Variants in FAM120B observed in about 807,000 individuals in gnomAD.
FAM120B encodes family with sequence similarity 120 member B.
A neutral mutation model predicts 96.3 loss-of-function variants in FAM120B; 83 were observed. That is an observed-to-expected ratio of 0.86 (90% confidence interval 0.72 to 1.03). The LOEUF is 1.03. Among genes scored for constraint, FAM120B ranks in the 50% least tolerant of loss-of-function variants. The probability of loss-of-function intolerance (pLI) is 0.00; values close to 1 mark genes in which losing one functional copy is unlikely to be tolerated. For synonymous variants in FAM120B, 407 were observed against 402.7 expected, an observed-to-expected ratio of 1.01 and a Z score of -0.13; for missense variants, 1,027 against 1,121.2, an observed-to-expected ratio of 0.92 and a Z score of 1.20.
chr6:170,304,440 G>C (rs1784209425), upstream of FAM120B, among the ~76,000 whole-genome samples: 1 of 152,240 alleles, frequency 6.6e-6, no homozygotes, highest in South Asian at 2.1e-4. Context: ...CTGGGCACCT[G>C]CTGGGCCCTT....
intron 4 of FAM120B, among the ~76,000 whole-genome samples, chr6:170,346,884 G>A (rs1787228848): frequency 6.6e-6 from 1 of 151,988 alleles, no homozygotes; most frequent in Admixed American, 6.6e-5. Context: ...TGGTTGTCTT[G>A]GACTCATCTC....
At chr6:170,305,726 G>A (rs1382035392), upstream of FAM120B, among the ~76,000 whole-genome samples, 1 of 152,172 alleles carries the variant, frequency 6.6e-6, no homozygotes, top group East Asian at 1.9e-4. Flanking sequence ...TTTCAAGGTC[G>A]TCACTCACAC....
chr6:170,348,439 A>G (rs1297588888), intron 5 of FAM120B, 116 bp downstream of exon 5: 1 of 885,960 alleles, frequency 1.1e-6, no homozygotes, highest in East Asian at 2.5e-5. Context: ...TGTCTGTTCC[A>G]TGGAACATTA....
intron 6 of FAM120B, among the ~76,000 whole-genome samples, chr6:170,385,069 A>G (rs1398182310): frequency 1.3e-5 from 2 of 152,236 alleles, no homozygotes; most frequent in Non-Finnish European, 2.9e-5. Context: ...TGGGAAATCT[A>G]CCAGAATTGA....
chr6:170,382,735 G>A (rs984101629), intron 6 of FAM120B, among the ~76,000 whole-genome samples: 1 of 152,176 alleles, frequency 6.6e-6, no homozygotes, highest in African/African-American at 2.4e-5. Flanking sequence ...TGATGTACAG[G>A]TTTGATGTAC....
At chr6:170,328,904 C>A (rs548547205) in intron 3 of FAM120B, among the ~76,000 whole-genome samples, 1 of 152,222 alleles carries the variant, frequency 6.6e-6, no homozygotes, top group Non-Finnish European at 1.5e-5. Context: ...TGCCTTTAAA[C>A]TTCATTAGGC....
At chr6:170,312,124 CAG>C (rs781444476) in intron 1 of FAM120B, among the ~76,000 whole-genome samples, 89 of 152,238 alleles carry the variant, frequency 5.8e-4, no homozygotes, top group Middle Eastern at 3.4e-3. Context: ...TAGACACAAA[CAG>C]ATTATAAAAG....
At chr6:170,400,605 G>T (rs1198208308) in intron 9 of FAM120B, among the ~76,000 whole-genome samples, 1 of 152,118 alleles carries the variant, frequency 6.6e-6, no homozygotes, top group Non-Finnish European at 1.5e-5. Flanking sequence ...CTGCAGGGAC[G>T]GCACCTCCAC....
chr6:170,393,049 C>T (rs1013361179), intron 8 of FAM120B, among the ~76,000 whole-genome samples: 1 of 151,598 alleles, frequency 6.6e-6, no homozygotes, highest in African/African-American at 2.4e-5. Context: ...GCTGGGCACA[C>T]ACCTGTAATC....
chr6:170,404,342 G>A (rs891536941), intron 9 of FAM120B: 39 of 513,452 alleles, frequency 7.6e-5, no homozygotes, highest in African/African-American at 6.7e-4. Flanking sequence ...TTCCTTCCAC[G>A]AACCTCTTAA....
Position 170,367,793 on chromosome 6 carries a change from T to C in FAM120B, c.2283+9475T>C, listed in dbSNP as rs78674646. The stretch of plus-strand genomic sequence containing the variant: ...TCTTAGAAAAATGAAGATATAATTA[T>C]GTGTCTTGGCATTGGTCCTTATAAA... On this transcript the variant is annotated intron_variant, in intron 6 of 10. Coordinates refer to ENST00000476287, the MANE Select transcript of FAM120B (RefSeq NM_032448.3). Among the ~76,000 whole-genome samples the C allele has an allele frequency of 0.01, 1,572 of 152,348 alleles. 68 individuals are homozygous for C. In the East Asian group the frequency reaches 0.11, roughly 10 times the overall value.
intron 1 of FAM120B, among the ~76,000 whole-genome samples, chr6:170,299,016 G>A (rs1784084773): frequency 6.6e-6 from 1 of 152,216 alleles, no homozygotes; most frequent in Non-Finnish European, 1.5e-5. Context: ...GACCCAAAGT[G>A]GAACTGGACC....
rs779003939 is a variant in FAM120B, at chr6:170,318,718, C to G, written c.1328C>G (p.Ser443Cys). The G allele has an allele frequency of 3.1e-6, 5 of 1,594,650 alleles. No homozygotes were observed. The highest frequency in any genetic ancestry group is 1.7e-5 in the Admixed American group (1 of 58,648). ...CAAGAAGTTCCCATGTATACAGACT[C>G]TGAACCCAGGCAAGAAGTTCCCATG... is the stretch of plus-strand genomic sequence containing the variant. ...PRQEVPMYTD[S>C]EPRQEVPMYT... Residue 443 changes from serine (S) to cysteine (C), a missense_variant, in exon 2 of 11, where the codon TCT becomes TGT. Coordinates refer to ENST00000476287, the MANE Select transcript of FAM120B (RefSeq NM_032448.3).
chr6:170,341,705 C>A (rs748098004), intron 4 of FAM120B, among the ~76,000 whole-genome samples: 1 of 152,182 alleles, frequency 6.6e-6, no homozygotes, highest in Non-Finnish European at 1.5e-5. Context: ...ATAGCACCAT[C>A]CCTCATGGCT....
rs1276072386 is a variant in FAM120B, at chr6:170,388,324, C to T, written c.2321C>T (p.Ser774Phe). Reference protein sequence around the residue: ...YINPRAVQLGSLLVRGLTTLV... With the variant: ...YINPRAVQLGFLLVRGLTTLV... The stretch of plus-strand genomic sequence containing the variant: ...AACCCCAGAGCCGTGCAGCTGGGCT[C>T]CCTTCTCGTCCGCGGCCTCACCACT... Residue 774 changes from serine to phenylalanine, a missense_variant, in exon 7 of 11, where the codon TCC (serine) becomes TTC (phenylalanine). Coordinates refer to ENST00000476287, the MANE Select transcript of FAM120B (RefSeq NM_032448.3). The T allele has an allele frequency of 1.2e-6, 2 of 1,614,060 alleles. No homozygotes were observed. The highest frequency in any genetic ancestry group is 3.3e-5 in the Admixed American group (2 of 60,024).
upstream of FAM120B, chr6:170,291,008 A>G (rs765178476): frequency 8.6e-6 from 6 of 699,644 alleles, no homozygotes; most frequent in South Asian, 1.5e-5. Context: ...CAGCCCCCCA[A>G]TCTGGCGAGA....
intron 9 of FAM120B, among the ~76,000 whole-genome samples, chr6:170,403,342 G>A (rs1404440859): frequency 3.3e-5 from 5 of 152,108 alleles, no homozygotes; most frequent in African/African-American, 1.2e-4. Flanking sequence ...CATTTCTCCT[G>A]GGTTTTGCCT....
At chr6:170,369,612 G>T (rs1331483825) in intron 6 of FAM120B, among the ~76,000 whole-genome samples, 1 of 151,858 alleles carries the variant, frequency 6.6e-6, no homozygotes, top group East Asian at 1.9e-4. Flanking sequence ...GCTGGGGCAG[G>T]CCCCGGGGCT....
intron 9 of FAM120B, among the ~76,000 whole-genome samples, chr6:170,400,937 C>T (rs115934451): frequency 2.0e-5 from 3 of 152,124 alleles, no homozygotes; most frequent in Non-Finnish European, 4.4e-5. Flanking sequence ...TTCTTTCTTT[C>T]ATGTGACGAC....
Sources: allele counts gnomAD v4.1 joint callset (sites outside exome capture counted in the v4.1 genomes callset), GRCh38; gene constraint gnomAD v4.1.1; transcripts MANE v1.5; gene names NCBI Gene and HGNC (gene_info 2026-07-23, HGNC 2026-07-21).